XKR6: variants seen among roughly 807,000 people sequenced by gnomAD.
The protein encoded by XKR6 is XK related 6, also known as XK-related protein 6.
A neutral mutation model predicts 56.7 loss-of-function variants in XKR6; 22 were observed. The observed-to-expected ratio is 0.39, with a 90% CI of 0.28 to 0.55. The LOEUF is 0.55. Ranked by LOEUF, XKR6 falls within the 20% of genes least tolerant of loss-of-function variation. The probability of loss-of-function intolerance (pLI) is 0.66; values close to 1 mark genes in which losing one functional copy is unlikely to be tolerated. For synonymous variants in XKR6, 524 were observed against 387.8 expected (o/e 1.35, Z -4.13); for missense variants, 852 against 889.0 (o/e 0.96, Z 0.53).
chr8:10,955,482 C>G (rs1439750388), intron 1 of XKR6, among the ~76,000 whole-genome samples: 1 of 152,208 alleles, frequency 6.6e-6, no homozygotes, highest in Non-Finnish European at 1.5e-5. Context: ...CATCCAGCCT[C>G]TCTGCCTTTT....
chr8:11,085,827 C>T (rs755246325), intron 1 of XKR6, among the ~76,000 whole-genome samples: 6 of 152,148 alleles, frequency 3.9e-5, no homozygotes, highest in African/African-American at 7.2e-5. Context: ...CCACTGCCGC[C>T]GGAGCAAGGG....
At chr8:11,191,160 G>A (rs1354569630) in intron 1 of XKR6, among the ~76,000 whole-genome samples, 1 of 152,154 alleles carries the variant, frequency 6.6e-6, no homozygotes, top group Non-Finnish European at 1.5e-5. Context: ...CCATTCAACA[G>A]ACCTGATAAC....
chr8:11,004,329 G>C (rs59446076), intron 1 of XKR6, among the ~76,000 whole-genome samples: 1 of 151,824 alleles, frequency 6.6e-6, no homozygotes. Context: ...AAAATTAACC[G>C]GGCATGTTGG....
chr8:11,129,898 G>C (rs1283703824), intron 1 of XKR6, among the ~76,000 whole-genome samples: 8 of 152,072 alleles, frequency 5.3e-5, no homozygotes, highest in Admixed American at 1.3e-4. Context: ...AATCTCAGCT[G>C]CTTGATATAT....
intron 1 of XKR6, among the ~76,000 whole-genome samples, chr8:11,119,064 G>T (rs1432931424): frequency 2.0e-5 from 3 of 151,808 alleles, no homozygotes; most frequent in African/African-American, 7.3e-5. Context: ...ATTTCATGAT[G>T]TACCCAGTAG....
chr8:10,982,154 T>A (rs1243081753), intron 1 of XKR6, among the ~76,000 whole-genome samples: 1 of 152,202 alleles, frequency 6.6e-6, no homozygotes, highest in Non-Finnish European at 1.5e-5. Flanking sequence ...GACTTTCTTA[T>A]CAGCTCTGTT....
chr8:11,009,823 A>G lies in XKR6; in HGVS notation c.765-84993T>C, dbSNP rs911995219. Among the ~76,000 whole-genome samples, 3 of 152,374 alleles carry G rather than the reference A, an allele frequency of 2.0e-5. No individual in the cohort carries two copies. The East Asian group carries it at 5.8e-4, about 29-fold the overall frequency. ...CTAATGTATCAATATTACTTCATTA[A>G]TCATTGACAAATGTTCCCCACTAAT... On this transcript the variant is annotated intron_variant, in intron 1 of 2. Coordinates refer to ENST00000416569, the MANE Select transcript of XKR6 (RefSeq NM_173683.4).
At chr8:11,075,937 T>C (rs1800263276) in intron 1 of XKR6, among the ~76,000 whole-genome samples, 1 of 152,212 alleles carries the variant, frequency 6.6e-6, no homozygotes. Context: ...CACAGCAGCA[T>C]GATTCTCAAT....
At chr8:11,154,437 C>T (rs1801411133) in intron 1 of XKR6, among the ~76,000 whole-genome samples, 2 of 152,236 alleles carry the variant, frequency 1.3e-5, no homozygotes, top group Admixed American at 1.3e-4. Flanking sequence ...TTAGAACCTT[C>T]CCAGACTCTG....
At chr8:10,976,689 G>T (rs1339787074) in intron 1 of XKR6, among the ~76,000 whole-genome samples, 1 of 152,150 alleles carries the variant, frequency 6.6e-6, no homozygotes, top group African/African-American at 2.4e-5. Context: ...ATTTCTGGAT[G>T]AATGGATGTC....
chr8:10,961,052 G>T (rs1272406427), intron 1 of XKR6, among the ~76,000 whole-genome samples: 2 of 152,152 alleles, frequency 1.3e-5, no homozygotes, highest in African/African-American at 4.8e-5. Flanking sequence ...GAGGGCACGG[G>T]TGCTGGGGTA....
At chr8:11,040,211 C>G (rs1189620405) in intron 1 of XKR6, among the ~76,000 whole-genome samples, 1 of 152,016 alleles carries the variant, frequency 6.6e-6, no homozygotes, top group Non-Finnish European at 1.5e-5. Context: ...ACCCTTCCTG[C>G]CCAAGGCTCC....
At chr8:10,904,500 G>C (rs1167575971) in intron 2 of XKR6, among the ~76,000 whole-genome samples, 4 of 152,132 alleles carry the variant, frequency 2.6e-5, no homozygotes, top group African/African-American at 9.7e-5. Context: ...CAACACGTGT[G>C]GATATGGGTG....
intron 1 of XKR6, among the ~76,000 whole-genome samples, chr8:10,991,253 A>G (rs974830609): frequency 6.6e-6 from 1 of 152,076 alleles, no homozygotes; most frequent in East Asian, 1.9e-4. Context: ...TAGGGGGGAA[A>G]TGCTGGTCAT....
intron 1 of XKR6, 132 bp from the exon 2 acceptor site, chr8:10,924,962 T>G: frequency 1.0e-6 from 1 of 995,692 alleles, no homozygotes; most frequent in Non-Finnish European, 1.4e-6. Context: ...TCCCAGAGGC[T>G]TGGACGGGGC....
At chr8:10,972,980 A>G (rs1399002279) in intron 1 of XKR6, among the ~76,000 whole-genome samples, 1 of 152,162 alleles carries the variant, frequency 6.6e-6, no homozygotes, top group Non-Finnish European at 1.5e-5. Context: ...CCATTCATGA[A>G]CTGTTCATGG....
chr8:11,073,101 C>T (rs555917077), intron 1 of XKR6, among the ~76,000 whole-genome samples: 22 of 152,196 alleles, frequency 1.4e-4, no homozygotes, highest in Non-Finnish European at 2.8e-4. Context: ...GTGATTAGCA[C>T]ATTTCAGACT....
intron 1 of XKR6, among the ~76,000 whole-genome samples, chr8:11,034,654 C>A (rs1054761541): frequency 2.0e-5 from 3 of 152,198 alleles, no homozygotes; most frequent in East Asian, 3.9e-4. Flanking sequence ...TCCCTAAGCT[C>A]AGTCCCCTAA....
Position 11,154,259 on chromosome 8 carries a change from A to C in XKR6, c.764+46317T>G, listed in dbSNP as rs187473060. Among the ~76,000 whole-genome samples, 464 of 152,330 alleles carry C rather than the reference A, an allele frequency of 3.0e-3. 4 individuals are homozygous for C. Among genetic ancestry groups the C allele is most frequent in the Non-Finnish European group, 4.1e-3 (279 of 68,038 alleles). ...GGTGACGGAGTTCAACTTTGTGGGC[A>C]ATCAATCAATCAAACATGCTATCTC... On this transcript the variant is annotated intron_variant, in intron 1 of 2. Transcript: ENST00000416569.
Sources: gnomAD v4.1 joint callset for allele counts (sites outside exome capture counted in the v4.1 genomes callset) on GRCh38, gnomAD v4.1.1 for gene constraint, MANE v1.5 for transcripts, NCBI Gene and HGNC (gene_info 2026-07-23, HGNC 2026-07-21) for gene names.